Variants in SYCE1 observed in about 807,000 individuals in gnomAD.
SYCE1 encodes the protein synaptonemal complex central element protein 1.
Under a neutral mutation model 55.1 loss-of-function variants are expected in SYCE1, and 37 were observed. That is an observed-to-expected ratio of 0.67 (90% CI 0.52 to 0.88). The LOEUF is 0.88. Among genes scored for constraint, SYCE1 ranks in the 40% least tolerant of loss-of-function variants. The pLI is 0.00. For synonymous variants in SYCE1, 163 were observed against 159.4 expected, an observed-to-expected ratio of 1.02 and a Z score of -0.17; for missense variants, 399 against 416.4, an observed-to-expected ratio of 0.96 and a Z score of 0.36.
In SYCE1 at chr10:133,561,565, G is replaced by GT. The variant is rs920692911; in HGVS notation, c.74-1413dup. On this transcript the variant is annotated intron_variant, in intron 1 of 12. Coordinates refer to ENST00000343131, the MANE Select transcript of SYCE1 (RefSeq NM_001143764.3). ...CCCAACAGGGAAGACAAGTTTGAGG[G>GT]TTTTTTTCCTGCTTCTAAGATGATA... 2.6e-5 allele frequency among the ~76,000 whole-genome samples: 4 copies of GT among 152,106 alleles called. No homozygotes were observed. In the South Asian group the frequency reaches 6.2e-4, roughly 24 times the overall value.
chr10:133,567,784 G>C, upstream of SYCE1: 1 of 330,694 alleles, frequency 3.0e-6, no homozygotes, highest in Non-Finnish European at 6.1e-6. Context: ...TGGCTGGGCT[G>C]TTGGTACAGG....
intron 6 of SYCE1, chr10:133,557,551 C>T: frequency 4.0e-6 from 2 of 504,794 alleles, no homozygotes; most frequent in Non-Finnish European, 3.6e-6. Context: ...AAATGGTTGG[C>T]TCAATGCCTA....
downstream of SYCE1, chr10:133,554,330 T>C: frequency 6.2e-7 from 1 of 1,614,032 alleles, no homozygotes; most frequent in African/African-American, 1.3e-5. Context: ...TCTGGGAGCC[T>C]GTCAAGAAAA....
At chr10:133,556,474 C>T (rs537198100) in intron 8 of SYCE1, 25 of 542,144 alleles carry the variant, frequency 4.6e-5, no homozygotes, top group African/African-American at 1.3e-4. Context: ...GGGACAAACA[C>T]GGGCTGCTTA....
upstream of SYCE1, chr10:133,565,594 C>T (rs1851913836): frequency 1.3e-6 from 2 of 1,500,136 alleles, no homozygotes; most frequent in Admixed American, 2.0e-5. Flanking sequence ...GGAGCAACCG[C>T]CGCTGGGGGC....
At chr10:133,568,054 G>A (rs757400724), upstream of SYCE1, 12 of 635,252 alleles carry the variant, frequency 1.9e-5, 1 homozygote, top group Middle Eastern at 2.7e-4. Context: ...GGGACGGTGC[G>A]GCCCGGGGGC....
chr10:133,567,695 C>T (rs568632724), upstream of SYCE1: 262 of 218,226 alleles, frequency 1.2e-3, 2 homozygotes, highest in South Asian at 6.9e-3. Flanking sequence ...TGGGTTACCA[C>T]GGCCCCTGGG....
chr10:133,563,647 A>G (rs1013436522), intron 1 of SYCE1, among the ~76,000 whole-genome samples: 2 of 150,990 alleles, frequency 1.3e-5, no homozygotes, highest in South Asian at 4.2e-4. Context: ...CAGTGATTGT[A>G]CCACTGCACT....
chr10:133,555,236 C>T (rs3737033), intron 12 of SYCE1, 107 bp from the exon 13 acceptor site: 109,999 of 1,557,960 alleles, frequency 0.071, 4,458 homozygotes, highest in East Asian at 0.17. Flanking sequence ...GGGAAAGGCC[C>T]TCCCCATAGA....
chr10:133,556,952 T>C, intron 7 of SYCE1, 115 bp downstream of exon 7: 1 of 1,481,692 alleles, frequency 6.7e-7, no homozygotes, highest in Non-Finnish European at 9.4e-7. Flanking sequence ...TGGGAACATC[T>C]TCACCACCTT....
At position 133,555,813 on chromosome 10, in the gene SYCE1, A is replaced by G; in HGVS notation, c.686T>C (p.Leu229Pro). 1 of 1,613,676 alleles carries G rather than the reference A, an allele frequency of 6.2e-7. No individual in the cohort carries two copies. The highest frequency in any genetic ancestry group is 8.5e-7 in the Non-Finnish European group (1 of 1,179,992). ...TGCAGCCTCCTGGCTGCGGAGAAAG[A>G]GTCCCTCATCAAGGGTGGAGGGGCC... is the stretch of plus-strand genomic sequence containing the variant. ...AEGPSTLDEG[L>P]FLRSQEAAAT... Residue 229 changes from leucine (L) to proline (P), a missense_variant, in exon 10 of 13, where the codon CTC becomes CCC. By Grantham distance (98) the Leu-to-Pro change is moderately conservative. Coordinates refer to ENST00000343131, the MANE Select transcript of SYCE1 (RefSeq NM_001143764.3).
chr10:133,554,469 C>T, downstream of SYCE1: 1 of 793,526 alleles, frequency 1.3e-6, no homozygotes, highest in East Asian at 2.5e-5. Flanking sequence ...ACATGACTTA[C>T]ATCCTAGTTG....
intron 1 of SYCE1, chr10:133,564,458 C>A (rs11101841): frequency 1.0e-6 from 1 of 979,752 alleles, no homozygotes; most frequent in African/African-American, 1.8e-5. Context: ...GCTAGCACAC[C>A]GGCGGGCCAG....
At chr10:133,564,580 C>T (rs994484654) in intron 1 of SYCE1, among the ~76,000 whole-genome samples, 3 of 152,156 alleles carry the variant, frequency 2.0e-5, no homozygotes, top group Admixed American at 1.3e-4. Context: ...CTGTGCTAAG[C>T]TTGTTTCAGT....
rs892405106 is a variant in SYCE1, at chr10:133,554,883, T to C, written c.*109A>G. On this transcript the variant is annotated 3_prime_UTR_variant, in exon 13 of 13. Transcript: ENST00000343131. ...AAGCATTTATTGAAAACCTGTGATGTACCTCTGGCCCAGACCAAGAGGCAG... is the reference window on the plus strand; with the variant it reads ...AAGCATTTATTGAAAACCTGTGATGCACCTCTGGCCCAGACCAAGAGGCAG... The C allele has an allele frequency of 1.4e-6, 2 of 1,458,432 alleles. No homozygotes were observed. The highest frequency in any genetic ancestry group is 1.5e-5 in the South Asian group (1 of 67,360). The allele number at this position is 1,458,432 out of a possible 1,614,324, so 90.3% of individuals were successfully genotyped here. A position where few individuals can be genotyped will look rare whatever the true frequency, so the allele number is the denominator to read the frequency against.
Position 133,559,251 on chromosome 10 carries a change from C to T in SYCE1, c.196+50G>A, listed in dbSNP as rs191669278. The T allele has an allele frequency of 4.0e-4, 639 of 1,600,894 alleles. 5 individuals carry two copies. The South Asian group carries it at 4.1e-3, about 10-fold the overall frequency. On this transcript the variant is annotated intron_variant, in intron 3 of 12. Transcript: ENST00000343131. ...TGCATTCTCACTTGGCACTGAGCCC[C>T]GCAAACCATGCAGCTGGTCCTAGCT...
At chr10:133,566,989 G>T (rs77237195), upstream of SYCE1, among the ~76,000 whole-genome samples, 1 of 151,726 alleles carries the variant, frequency 6.6e-6, no homozygotes, top group African/African-American at 2.4e-5. Context: ...TAGGGGTAGC[G>T]TTGTGTGTTA....
Position 133,555,056 on chromosome 10 carries a change from T to C in SYCE1, c.992A>G (p.Gln331Arg). ...AAGGTCGGGGTGGAGTGTGTCCTCCTGGCCTATGAGGACATCAGGCCCTGC... is the reference window on the plus strand; with the variant it reads ...AAGGTCGGGGTGGAGTGTGTCCTCCCGGCCTATGAGGACATCAGGCCCTGC... The part of the protein sequence containing the change: ...HQAGPDVLIG[Q>R]EDTLHPDLSP... Residue 331 changes from glutamine (Q) to arginine (R), a missense_variant, in exon 13 of 13, where the codon CAG becomes CGG. By Grantham distance (43) the Gln-to-Arg change is conservative. Transcript: ENST00000343131. 2 of 1,551,560 alleles carry C rather than the reference T, an allele frequency of 1.3e-6. No homozygotes were observed. The highest frequency in any genetic ancestry group is 1.2e-5 in the South Asian group (1 of 84,040).
At chr10:133,557,339 A>G (rs1038974741) in intron 6 of SYCE1, 183 bp from the exon 7 acceptor site, 5 of 615,722 alleles carry the variant, frequency 8.1e-6, no homozygotes, top group Non-Finnish European at 1.1e-5. Flanking sequence ...TTGTCAGGTT[A>G]AGAGAGATTA....
Sources: gnomAD v4.1 joint callset for allele counts (sites outside exome capture counted in the v4.1 genomes callset) on GRCh38, gnomAD v4.1.1 for gene constraint, MANE v1.5 for transcripts, NCBI Gene and HGNC (gene_info 2026-07-23, HGNC 2026-07-21) for gene names.